Variants in WLS observed in about 807,000 individuals in gnomAD.
The protein encoded by WLS is protein wntless homolog.
WLS carries 23 observed loss-of-function variants against 62.8 expected under a neutral mutation model. That is an observed-to-expected ratio of 0.37 (90% CI 0.26 to 0.52). The LOEUF (loss-of-function observed/expected upper bound fraction) is 0.52, where lower values mean the gene tolerates loss of function less well. Among genes scored for constraint, WLS ranks in the 20% least tolerant of loss-of-function variants. The pLI, the probability that WLS is intolerant of heterozygous loss-of-function variation, is 0.92. For synonymous variants in WLS, 246 were observed against 244.1 expected (o/e 1.01, Z -0.07); for missense variants, 615 against 697.3 (o/e 0.88, Z 1.33).
intron 2 of WLS, among the ~76,000 whole-genome samples, chr1:68,169,481 G>A (rs1647114272): frequency 6.6e-6 from 1 of 152,146 alleles, no homozygotes; most frequent in African/African-American, 2.4e-5. Flanking sequence ...GATTTCATCT[G>A]CTCCTGGGAT....
intron 10 of WLS, among the ~76,000 whole-genome samples, chr1:68,142,441 G>A (rs1570879797): frequency 1.3e-5 from 2 of 152,320 alleles, no homozygotes; most frequent in East Asian, 3.9e-4. Context: ...GTGCCACTGT[G>A]CACTACTGAG....
chr1:68,098,919 AT>A (rs1646042500), intron 11 of WLS: 1 of 1,064,126 alleles, frequency 9.4e-7, no homozygotes. Flanking sequence ...ATTGTGGGAC[AT>A]TTGCAGATTT....
intron 11 of WLS, among the ~76,000 whole-genome samples, chr1:68,118,613 C>T (rs566126420): frequency 1.1e-4 from 16 of 150,862 alleles, no homozygotes; most frequent in African/African-American, 3.7e-4. Flanking sequence ...TGGTGGCTCA[C>T]GCCTGTAATC....
Position 68,232,316 on chromosome 1 carries a change from TTTC to T in WLS, c.-20_-18del, listed in dbSNP as rs772365244. 21 of 1,613,054 alleles carry T rather than the reference TTTC, an allele frequency of 1.3e-5. No homozygotes were observed. Among genetic ancestry groups the T allele is most frequent in the Admixed American group, 1.2e-4 (7 of 59,878 alleles). On this transcript the variant is annotated 5_prime_UTR_variant, in exon 1 of 12. Transcript: ENST00000262348. ...CCCAGCCATTTTTGCGCCCCCCCTT[TTTC>T]TTTTCTCCTTGAAATAAATGTTTTA...
intron 2 of WLS, among the ~76,000 whole-genome samples, chr1:68,176,740 C>T (rs1205213425): frequency 6.6e-6 from 1 of 152,142 alleles, no homozygotes; most frequent in African/African-American, 2.4e-5. Context: ...GGTCTTAGTC[C>T]TCACTTTCTC....
intron 11 of WLS, among the ~76,000 whole-genome samples, chr1:68,135,844 C>T (rs1302694562): frequency 6.6e-6 from 1 of 152,166 alleles, no homozygotes; most frequent in African/African-American, 2.4e-5. Context: ...AGGCTGAATG[C>T]TCCCATTTTC....
downstream of WLS, among the ~76,000 whole-genome samples, chr1:68,123,996 T>C (rs1646394343): frequency 6.6e-6 from 1 of 152,058 alleles, no homozygotes; most frequent in African/African-American, 2.4e-5. Context: ...AAACTTTAAG[T>C]AGTGAATCCA....
At chr1:68,134,790 T>A (rs900311516) in intron 11 of WLS, among the ~76,000 whole-genome samples, 15 of 152,338 alleles carry the variant, frequency 9.8e-5, no homozygotes, top group African/African-American at 3.1e-4. Flanking sequence ...GATGAAAAAC[T>A]CTGTTGAGGA....
rs1032223810 is a variant in WLS at position 68,194,065 on chromosome 1, A to T, written c.269T>A (p.Ile90Asn). Residue 90 changes from isoleucine (I) to asparagine (N), a missense_variant, in exon 2 of 12, where the codon ATC becomes AAC. Coordinates refer to ENST00000262348, the MANE Select transcript of WLS (RefSeq NM_024911.7). Reference protein sequence around the residue: ...AIPREIEANDIVFSVHIPLPH... With the variant: ...AIPREIEANDNVFSVHIPLPH... Reference sequence around the variant, plus strand: ...GAGGGGAATGTGAACAGAAAACACGATGTCATTGGCTTCAATTTCCCTTGG... The same window carrying T: ...GAGGGGAATGTGAACAGAAAACACGTTGTCATTGGCTTCAATTTCCCTTGG... 32 of 1,613,998 alleles carry T rather than the reference A, an allele frequency of 2.0e-5. No individual in the cohort carries two copies. Among genetic ancestry groups the T allele is most frequent in the Non-Finnish European group, 2.5e-5 (29 of 1,180,022 alleles).
chr1:68,204,342 C>A (rs976208908), intron 1 of WLS, among the ~76,000 whole-genome samples: 1 of 151,540 alleles, frequency 6.6e-6, no homozygotes, highest in East Asian at 1.9e-4. Flanking sequence ...TTTTTTTAGA[C>A]GGAGTCTCGC....
chr1:68,147,011 G>A (rs547727570), intron 8 of WLS, among the ~76,000 whole-genome samples: 14 of 152,040 alleles, frequency 9.2e-5, no homozygotes, highest in African/African-American at 2.4e-4. Flanking sequence ...TCAGCCTCCC[G>A]AGTAGCTGGG....
chr1:68,148,678 GAGAAGGGAGAT>G lies in WLS; in HGVS notation c.973-29_973-19del, dbSNP rs1405252576. 2 of 1,611,634 alleles carry G rather than the reference GAGAAGGGAGAT, an allele frequency of 1.2e-6. No homozygotes were observed. Among genetic ancestry groups the G allele is most frequent in the Non-Finnish European group, 1.7e-6 (2 of 1,178,924 alleles). ...TGCTGATCCTGAGGAAAACCAAATT[GAGAAGGGAGAT>G]AGAGGGGAGAGGAAGACCAAGCAAT... On this transcript the variant is annotated intron_variant, in intron 6 of 11. Coordinates refer to ENST00000262348, the MANE Select transcript of WLS (RefSeq NM_024911.7).
At chr1:68,122,931 CTCAGGATGAAAGTGTCTT>C (rs1646381457), downstream of WLS, among the ~76,000 whole-genome samples, 1 of 152,210 alleles carries the variant, frequency 6.6e-6, no homozygotes, top group Non-Finnish European at 1.5e-5. Context: ...TCTCTCCTGT[CTCAGGATGAAAGTGTCTT>C]TTCACTCCTT....
intron 11 of WLS, among the ~76,000 whole-genome samples, chr1:68,136,624 C>G (rs1002528319): frequency 6.6e-6 from 1 of 152,208 alleles, no homozygotes; most frequent in Non-Finnish European, 1.5e-5. Context: ...CATTCTCAAG[C>G]ATGTTTGACT....
At chr1:68,188,926 T>C (rs531723043) in intron 2 of WLS, among the ~76,000 whole-genome samples, 7 of 152,354 alleles carry the variant, frequency 4.6e-5, no homozygotes. Flanking sequence ...AAGGAAATGA[T>C]AAATTAAAGC....
rs577402732 is a variant in WLS, at chr1:68,125,397, GCATATA to G, written c.*823_*828del. ...GGAGGGGATATGCATGTACACATAT[GCATATA>G]CATACAGGTTTATTTAAATGATTGG... On this transcript the variant is annotated 3_prime_UTR_variant, in exon 12 of 12. Coordinates refer to ENST00000262348, the MANE Select transcript of WLS (RefSeq NM_024911.7). The G allele has an allele frequency of 1.5e-4, 151 of 985,218 alleles. No individual in the cohort carries two copies. The African/African-American group carries it at 2.5e-3, about 16-fold the overall frequency. 61.0% of individuals were successfully genotyped at this position (985,218 alleles called of 1,614,324 possible).
chr1:68,126,187 G>A lies in WLS; in HGVS notation c.*39C>T, dbSNP rs1646427528. ...CTCCCCACTCTAGTTAGAGGGGCTG[G>A]GGTATGGAGAGACCGTCCCAGCCGG... On this transcript the variant is annotated 3_prime_UTR_variant, in exon 12 of 12. Coordinates refer to ENST00000262348, the MANE Select transcript of WLS (RefSeq NM_024911.7). 6.2e-7 allele frequency: 1 copy of A among 1,611,918 alleles called. No individual in the cohort carries two copies. Among genetic ancestry groups the A allele is most frequent in the Non-Finnish European group, 8.5e-7 (1 of 1,179,064 alleles).
At position 68,232,390 on chromosome 1, in the gene WLS, G is replaced by T. The variant is rs1194733766; in HGVS notation, c.-91C>A. On this transcript the variant is annotated 5_prime_UTR_variant, in exon 1 of 12. Transcript: ENST00000262348. ...CCTCTCACACACTCCCTCCTTCCTC[G>T]CCTCCTTTCTGGGCGCTGCAAAACT... The T allele has an allele frequency of 1.3e-6, 2 of 1,496,234 alleles. No homozygotes were observed. The highest frequency in any genetic ancestry group is 2.5e-5 in the East Asian group (1 of 39,890). The allele number at this position is 1,496,234 out of a possible 1,614,324, so 92.7% of individuals were successfully genotyped here. A position where few individuals can be genotyped will look rare whatever the true frequency, so the allele number is the denominator to read the frequency against.
chr1:68,123,239 C>G (rs1646385241), downstream of WLS, among the ~76,000 whole-genome samples: 2 of 152,234 alleles, frequency 1.3e-5, no homozygotes, highest in Admixed American at 1.3e-4. Flanking sequence ...AGGTTACACA[C>G]ATCCAAACCA....
Sources: allele counts gnomAD v4.1 joint callset (sites outside exome capture counted in the v4.1 genomes callset), GRCh38; gene constraint gnomAD v4.1.1; transcripts MANE v1.5; gene names NCBI Gene and HGNC (gene_info 2026-07-23, HGNC 2026-07-21).